Variants in MIPOL1 observed in about 807,000 individuals in gnomAD.
MIPOL1 encodes the protein mirror-image polydactyly 1, also known as mirror-image polydactyly gene 1 protein.
Under a neutral mutation model 60.9 loss-of-function variants are expected in MIPOL1, and 57 were observed. The observed-to-expected ratio is 0.94, with a 90% CI of 0.76 to 1.17. The LOEUF (loss-of-function observed/expected upper bound fraction) is 1.17. Among genes scored for constraint, MIPOL1 ranks in the 50% most tolerant of loss-of-function variants. The probability of loss-of-function intolerance (pLI) is 0.00; values close to 1 mark genes in which losing one functional copy is unlikely to be tolerated. For synonymous variants in MIPOL1, 179 were observed against 168.8 expected (o/e 1.06, Z -0.47); for missense variants, 551 against 511.6 (o/e 1.08, Z -0.74).
At chr14:37,211,442 C>T (rs1316421776) in intron 1 of MIPOL1, among the ~76,000 whole-genome samples, 1 of 152,058 alleles carries the variant, frequency 6.6e-6, no homozygotes, top group African/African-American at 2.4e-5. Flanking sequence ...AAACATTGAA[C>T]TCAGTACTGT....
At chr14:37,223,075 C>T (rs1969087634) in intron 1 of MIPOL1, among the ~76,000 whole-genome samples, 1 of 152,172 alleles carries the variant, frequency 6.6e-6, no homozygotes, top group Admixed American at 6.5e-5. Context: ...CTCTGTTGCC[C>T]AGGCTGGAGT....
At chr14:37,409,454 A>G (rs1227847641) in intron 10 of MIPOL1, among the ~76,000 whole-genome samples, 2 of 152,160 alleles carry the variant, frequency 1.3e-5, no homozygotes, top group Non-Finnish European at 2.9e-5. Flanking sequence ...GAACTAAAAC[A>G]CTCTGTGAGA....
chr14:37,479,594 T>C lies in MIPOL1; in HGVS notation c.1032-20314T>C, dbSNP rs189357819. ...AATGCCCATATCAAAAAAGAAGACA[T>C]ATTTCAAATAAGTAACAAGATTTCT... On this transcript the variant is annotated intron_variant, in intron 11 of 12. Transcript: ENST00000684589. 3.3e-5 allele frequency among the ~76,000 whole-genome samples: 5 copies of C among 151,984 alleles called. No homozygotes were observed. The East Asian group carries it at 9.7e-4, about 29-fold the overall frequency.
At chr14:37,517,058 G>A (rs896932009) in intron 12 of MIPOL1, among the ~76,000 whole-genome samples, 2 of 152,018 alleles carry the variant, frequency 1.3e-5, no homozygotes, top group Non-Finnish European at 2.9e-5. Context: ...ACTTAGTATC[G>A]AGTAAAAATA....
chr14:37,201,572 C>G (rs1051037448), intron 1 of MIPOL1, among the ~76,000 whole-genome samples: 2 of 151,998 alleles, frequency 1.3e-5, no homozygotes, highest in Non-Finnish European at 2.9e-5. Flanking sequence ...CTTGGGTTTT[C>G]TGACATTTTT....
At chr14:37,498,561 A>C (rs1373003051) in intron 11 of MIPOL1, among the ~76,000 whole-genome samples, 1 of 152,150 alleles carries the variant, frequency 6.6e-6, no homozygotes, top group Non-Finnish European at 1.5e-5. Flanking sequence ...GGTTGGTAGA[A>C]AAATCTGAGA....
At chr14:37,475,995 A>G (rs2094767583) in intron 11 of MIPOL1, among the ~76,000 whole-genome samples, 2 of 152,208 alleles carry the variant, frequency 1.3e-5, no homozygotes, top group South Asian at 4.1e-4. Flanking sequence ...TTGCATGCAC[A>G]GATCAATTGG....
At chr14:37,279,454 A>T (rs1473079062) in intron 6 of MIPOL1, among the ~76,000 whole-genome samples, 1 of 151,840 alleles carries the variant, frequency 6.6e-6, no homozygotes, top group African/African-American at 2.4e-5. Context: ...GTTTACAATT[A>T]AGTTTTCTTT....
At chr14:37,314,734 T>C (rs1050953862) in intron 9 of MIPOL1, among the ~76,000 whole-genome samples, 1 of 152,204 alleles carries the variant, frequency 6.6e-6, no homozygotes, top group Admixed American at 6.5e-5. Context: ...GCTTTCCTAC[T>C]ATCATGAACT....
intron 11 of MIPOL1, chr14:37,434,327 T>C (rs1264169205): frequency 6.6e-6 from 1 of 152,212 alleles, no homozygotes. Context: ...CACATAAGTG[T>C]CTTCTTTTGA....
At chr14:37,239,757 G>T (rs1310268100) in intron 1 of MIPOL1, among the ~76,000 whole-genome samples, 5 of 151,340 alleles carry the variant, frequency 3.3e-5, no homozygotes, top group Non-Finnish European at 7.4e-5. Context: ...AATGACTCAA[G>T]AAATTAAATC....
intron 11 of MIPOL1, among the ~76,000 whole-genome samples, chr14:37,446,625 G>A (rs146043215): frequency 1.1e-4 from 16 of 152,212 alleles, no homozygotes; most frequent in Admixed American, 4.6e-4. Flanking sequence ...ACATGCACAC[G>A]TATGTTTATA....
intron 11 of MIPOL1, among the ~76,000 whole-genome samples, chr14:37,436,289 C>T (rs1444716767): frequency 6.6e-6 from 1 of 152,108 alleles, no homozygotes; most frequent in East Asian, 1.9e-4. Context: ...ATCCTGTGAA[C>T]ACCAGCTATA....
intron 1 of MIPOL1, among the ~76,000 whole-genome samples, chr14:37,226,033 A>T (rs1306748157): frequency 1.3e-5 from 2 of 152,288 alleles, no homozygotes; most frequent in East Asian, 3.9e-4. Context: ...GTTCCCAACA[A>T]GTTTCTCATT....
At chr14:37,545,361 G>A (rs1047214648) in intron 12 of MIPOL1, among the ~76,000 whole-genome samples, 1 of 152,114 alleles carries the variant, frequency 6.6e-6, no homozygotes, top group Non-Finnish European at 1.5e-5. Flanking sequence ...AGTGCTATGA[G>A]TCATAATATT....
intron 9 of MIPOL1, among the ~76,000 whole-genome samples, chr14:37,346,154 A>G (rs2090930789): frequency 6.6e-6 from 1 of 152,062 alleles, no homozygotes; most frequent in African/African-American, 2.4e-5. Context: ...ACATAGTGAA[A>G]CCCCGTCTCT....
intron 10 of MIPOL1, among the ~76,000 whole-genome samples, chr14:37,392,031 T>C (rs1212337732): frequency 6.6e-6 from 1 of 152,196 alleles, no homozygotes. Flanking sequence ...CCAAGTGGAC[T>C]AAATGTTCCA....
intron 11 of MIPOL1, among the ~76,000 whole-genome samples, chr14:37,445,911 C>T (rs1461996564): frequency 2.0e-5 from 3 of 152,120 alleles, no homozygotes; most frequent in South Asian, 2.1e-4. Context: ...ACACCTTATA[C>T]AGAAATTAAT....
intron 11 of MIPOL1, among the ~76,000 whole-genome samples, chr14:37,432,819 T>A (rs2094097357): frequency 6.6e-6 from 1 of 152,160 alleles, no homozygotes; most frequent in South Asian, 2.1e-4. Flanking sequence ...GGAAAAAATA[T>A]ATTAAATTCA....
Sources: allele counts gnomAD v4.1 joint callset (sites outside exome capture counted in the v4.1 genomes callset), GRCh38; gene constraint gnomAD v4.1.1; transcripts MANE v1.5; gene names NCBI Gene and HGNC (gene_info 2026-07-23, HGNC 2026-07-21).